The following CST5 variants were observed in gnomAD, a reference collection of about 807,000 sequenced individuals.
The protein encoded by CST5 is cystatin-D.
Under a neutral mutation model 11.5 loss-of-function variants are expected in CST5, and 13 were observed. The observed-to-expected ratio is 1.13, with a 90% CI of 0.73 to 1.79. CST5 has a LOEUF of 1.79. Ranked by LOEUF, CST5 falls within the 40% of genes most tolerant of loss-of-function variation. The pLI is 0.00. For missense variants in CST5, 219 were observed against 174.5 expected, an observed-to-expected ratio of 1.25 and a Z score of -1.44; for synonymous variants, 81 against 67.6, an observed-to-expected ratio of 1.20 and a Z score of -0.97.
chr20:23,879,650 C>T lies in CST5; in HGVS notation c.27G>A (p.Leu9=). The T allele has an allele frequency of 6.2e-7, 1 of 1,613,994 alleles. No individual in the cohort carries two copies. The highest frequency in any genetic ancestry group is 8.5e-7 in the Non-Finnish European group (1 of 1,179,922). ...CCACCATCAAGGCAGTCAGCAGCAG[C>T]AGTGGGGTGTGCATGGGCCACATCA... The part of the protein sequence containing the change: MMWPMHTP[L]LLLTALMVAV... The change falls in exon 1 of 3, where the codon CTG becomes CTA. Residue 9 remains leucine, a synonymous_variant. Transcript: ENST00000304710.
Position 23,879,666 on chromosome 20 carries a change from G to T in CST5, c.11C>A (p.Pro4His), listed in dbSNP as rs879108154. 2 of 1,613,326 alleles carry T rather than the reference G, an allele frequency of 1.2e-6. No individual in the cohort carries two copies. Among genetic ancestry groups the T allele is most frequent in the Admixed American group, 3.3e-5 (2 of 59,998 alleles). MMW[P>H]MHTPLLLLTA... ...CAGCAGCAGCAGTGGGGTGTGCATG[G>T]GCCACATCATGTTCTACTGGGACAC... The change falls in exon 1 of 3, where the codon CCC becomes CAC. Residue 4 changes from proline (P) to histidine (H), a missense_variant. Transcript: ENST00000304710.
chr20:23,879,116 C>T (rs2071443), intron 1 of CST5, among the ~76,000 whole-genome samples: 69,641 of 152,006 alleles, frequency 0.46, 17,895 homozygotes, highest in African/African-American at 0.71. Context: ...AGATGAACCT[C>T]GTGGCCTGGA....
chr20:23,877,027 ACCC>A (rs1227851257), intron 2 of CST5, among the ~76,000 whole-genome samples: 1 of 151,744 alleles, frequency 6.6e-6, no homozygotes, highest in African/African-American at 2.4e-5. Context: ...CAAATTCATC[ACCC>A]CTATCCACAC....
Position 23,876,080 on chromosome 20 carries a change from G to T in CST5, c.*108C>A. On this transcript the variant is annotated 3_prime_UTR_variant, in exon 3 of 3. Coordinates refer to ENST00000304710, the MANE Select transcript of CST5 (RefSeq NM_001900.5). ...CCTTCTGTGTCTGTCTCCTGGTGCAGGCGCATGAGGAGACCTCCCCCAGGG... is the reference window on the plus strand; with the variant it reads ...CCTTCTGTGTCTGTCTCCTGGTGCATGCGCATGAGGAGACCTCCCCCAGGG... 2 of 772,856 alleles carry T rather than the reference G, an allele frequency of 2.6e-6. No individual in the cohort carries two copies. The highest frequency in any genetic ancestry group is 2.2e-6 in the Non-Finnish European group (1 of 461,146). The allele number at this position is 772,856 out of a possible 1,614,324, so 47.9% of individuals were successfully genotyped here. A position where few individuals can be genotyped will look rare whatever the true frequency, so the allele number is the denominator to read the frequency against.
At position 23,879,693 on chromosome 20, in the gene CST5, G is replaced by C. The variant is rs748221737; in HGVS notation, c.-17C>G. The stretch of plus-strand genomic sequence containing the variant: ...CCACATCATGTTCTACTGGGACACA[G>C]AGCAAGGAGCTGGATCTCCCAGAGA... On this transcript the variant is annotated 5_prime_UTR_variant, in exon 1 of 3. Transcript: ENST00000304710. The C allele has an allele frequency of 3.1e-6, 5 of 1,605,912 alleles. No individual in the cohort carries two copies. Among genetic ancestry groups the C allele is most frequent in the Non-Finnish European group, 4.3e-6 (5 of 1,173,884 alleles).
In CST5 at chr20:23,877,593, A is replaced by C; in HGVS notation, c.257T>G (p.Phe86Cys). ...QQIVGGVNYY[F>C]NVKFGRTTCT... is the part of the protein sequence containing the mutation. ...TGTGGTTCGACCGAACTTCACATTG[A>C]AGTAGTAGTTCACCCCACCCACGAT... is the stretch of plus-strand genomic sequence containing the variant. Residue 86 changes from phenylalanine to cysteine, a missense_variant, in exon 2 of 3, where the codon TTC becomes TGC. Physicochemically the swap from Phe to Cys is radical, Grantham distance 205. Coordinates refer to ENST00000304710, the MANE Select transcript of CST5 (RefSeq NM_001900.5). 1 of 1,472,686 alleles carries C rather than the reference A, an allele frequency of 6.8e-7. No individual in the cohort carries two copies. The highest frequency in any genetic ancestry group is 9.0e-7 in the Non-Finnish European group (1 of 1,108,122). The allele number at this position is 1,472,686 out of a possible 1,614,324, so 91.2% of individuals were successfully genotyped here.
At chr20:23,878,388 A>G (rs1986008360) in intron 1 of CST5, among the ~76,000 whole-genome samples, 1 of 152,094 alleles carries the variant, frequency 6.6e-6, no homozygotes, top group Non-Finnish European at 1.5e-5. Context: ...CCAAAACATG[A>G]CTTGTCAGAA....
At chr20:23,876,624 C>G (rs912611782) in intron 2 of CST5, among the ~76,000 whole-genome samples, 1 of 152,166 alleles carries the variant, frequency 6.6e-6, no homozygotes, top group African/African-American at 2.4e-5. Flanking sequence ...CCTCCAGCAC[C>G]CAGGCCAGCA....
intron 1 of CST5, among the ~76,000 whole-genome samples, chr20:23,879,127 T>A (rs1448571055): frequency 1.3e-5 from 2 of 152,088 alleles, no homozygotes; most frequent in Admixed American, 1.3e-4. Context: ...GTGGCCTGGA[T>A]CTCATCCTGA....
At chr20:23,878,625 C>T (rs1041132133) in intron 1 of CST5, among the ~76,000 whole-genome samples, 4 of 151,590 alleles carry the variant, frequency 2.6e-5, no homozygotes, top group Admixed American at 2.0e-4. Flanking sequence ...GGGACCACAG[C>T]ACCAGGGAAT....
At chr20:23,879,314 C>T (rs903200873) in intron 1 of CST5, 132 bp downstream of exon 1, 2 of 751,736 alleles carry the variant, frequency 2.7e-6, no homozygotes, top group Non-Finnish European at 4.7e-6. Flanking sequence ...GCATGAAGAC[C>T]ATCAGCAGAC....
chr20:23,877,220 A>G (rs1440729136), intron 2 of CST5, among the ~76,000 whole-genome samples: 1 of 151,918 alleles, frequency 6.6e-6, no homozygotes, highest in Non-Finnish European at 1.5e-5. Flanking sequence ...CCACATGTGT[A>G]CACCATCCCA....
At chr20:23,877,474 T>G in intron 2 of CST5, 31 bp downstream of exon 2, 5 of 1,546,398 alleles carry the variant, frequency 3.2e-6, no homozygotes, top group Non-Finnish European at 4.5e-6. Context: ...TCTGCGGTAC[T>G]TGATGCCCCT....
intron 2 of CST5, among the ~76,000 whole-genome samples, chr20:23,876,854 G>C (rs1241963645): frequency 6.6e-6 from 1 of 152,152 alleles, no homozygotes; most frequent in Non-Finnish European, 1.5e-5. Flanking sequence ...CAGAGTGGCT[G>C]TGGCTGCAGG....
rs1236271544 is a variant in CST5 at position 23,876,093 on chromosome 20, A to G, written c.*95T>C. 4.3e-6 allele frequency: 4 copies of G among 930,068 alleles called. No individual in the cohort carries two copies. The highest frequency in any genetic ancestry group is 1.7e-5 in the African/African-American group (1 of 59,558). 57.6% of individuals were successfully genotyped at this position (930,068 alleles called of 1,614,324 possible). On this transcript the variant is annotated 3_prime_UTR_variant, in exon 3 of 3. Coordinates refer to ENST00000304710, the MANE Select transcript of CST5 (RefSeq NM_001900.5). The stretch of plus-strand genomic sequence containing the variant: ...TCTCCTGGTGCAGGCGCATGAGGAG[A>G]CCTCCCCCAGGGTGGGGGCCACCAG...
Position 23,876,107 on chromosome 20 carries a change from G to T in CST5, c.*81C>A, listed in dbSNP as rs143411516. ...CGCATGAGGAGACCTCCCCCAGGGT[G>T]GGGGCCACCAGTCCAGGGGTGGGAG... is the stretch of plus-strand genomic sequence containing the variant. On this transcript the variant is annotated 3_prime_UTR_variant, in exon 3 of 3. Coordinates refer to ENST00000304710, the MANE Select transcript of CST5 (RefSeq NM_001900.5). The T allele has an allele frequency of 3.1e-5, 36 of 1,152,856 alleles. No homozygotes were observed. The highest frequency in any genetic ancestry group is 1.1e-4 in the African/African-American group (7 of 65,198). 71.4% of individuals were successfully genotyped at this position (1,152,856 alleles called of 1,614,324 possible).
At position 23,879,709 on chromosome 20, in the gene CST5, C is replaced by T. The variant is rs1026499392; in HGVS notation, c.-33G>A. 1.9e-6 allele frequency: 3 copies of T among 1,594,430 alleles called. No individual in the cohort carries two copies. Among genetic ancestry groups the T allele is most frequent in the Non-Finnish European group, 2.6e-6 (3 of 1,165,792 alleles). ...TGGGACACAGAGCAAGGAGCTGGAT[C>T]TCCCAGAGAGCAAAGCAGCAGAAGG... On this transcript the variant is annotated 5_prime_UTR_variant, in exon 1 of 3. Coordinates refer to ENST00000304710, the MANE Select transcript of CST5 (RefSeq NM_001900.5).
At chr20:23,878,481 C>A (rs775130683) in intron 1 of CST5, among the ~76,000 whole-genome samples, 2 of 152,154 alleles carry the variant, frequency 1.3e-5, no homozygotes, top group Non-Finnish European at 2.9e-5. Context: ...TCCTGTAGAA[C>A]CACATGGAAG....
Position 23,879,636 on chromosome 20 carries a change from G to A in CST5, c.41C>T (p.Ala14Val). Reference sequence around the variant, plus strand: ...ACTCCCGGCCACGGCCACCATCAAGGCAGTCAGCAGCAGCAGTGGGGTGTG... The same window carrying A: ...ACTCCCGGCCACGGCCACCATCAAGACAGTCAGCAGCAGCAGTGGGGTGTG... ...PMHTPLLLLT[A>V]LMVAVAGSAS... is the part of the protein sequence containing the mutation. Residue 14 changes from alanine to valine, a missense_variant, in exon 1 of 3, where the codon GCC becomes GTC. Physicochemically the swap from Ala to Val is moderately conservative, Grantham distance 64. Transcript: ENST00000304710. 6.2e-7 allele frequency: 1 copy of A among 1,614,078 alleles called. No individual in the cohort carries two copies.
Sources: gnomAD v4.1 joint callset for allele counts (sites outside exome capture counted in the v4.1 genomes callset) on GRCh38, gnomAD v4.1.1 for gene constraint, MANE v1.5 for transcripts, NCBI Gene and HGNC (gene_info 2026-07-23, HGNC 2026-07-21) for gene names.